Variants in LSAMP observed in about 807,000 individuals in gnomAD.
The protein encoded by LSAMP is limbic system associated membrane protein.
LSAMP carries 7 observed loss-of-function variants against 38.6 expected under a neutral mutation model. The observed-to-expected ratio is 0.18, with a 90% CI of 0.10 to 0.34. The LOEUF (loss-of-function observed/expected upper bound fraction) is 0.34, where lower values mean the gene tolerates loss of function less well. LSAMP is among the 10% of genes least tolerant of loss of function. The pLI is 1.00. For synonymous variants in LSAMP, 154 were observed against 166.8 expected, an observed-to-expected ratio of 0.92 and a Z score of 0.59; for missense variants, 313 against 420.0, an observed-to-expected ratio of 0.75 and a Z score of 2.23.
rs144263591 is a variant in LSAMP at position 116,040,151 on chromosome 3, T to A, written c.389-20511A>T. On this transcript the variant is annotated intron_variant, in intron 2 of 6. Coordinates refer to ENST00000490035, the MANE Select transcript of LSAMP (RefSeq NM_002338.5). ...TGTGGATAGTTTTATCCTTCCTGGGTAAACACAGTTGAGGGGAGGGGAACT... is the reference window on the plus strand; with the variant it reads ...TGTGGATAGTTTTATCCTTCCTGGGAAAACACAGTTGAGGGGAGGGGAACT... Among the ~76,000 whole-genome samples, 21 of 152,284 alleles carry A rather than the reference T, an allele frequency of 1.4e-4. No homozygotes were observed. The East Asian group carries it at 4.1e-3, about 29-fold the overall frequency.
intron 3 of LSAMP, among the ~76,000 whole-genome samples, chr3:116,004,202 A>C (rs1209529353): frequency 6.6e-6 from 1 of 152,102 alleles, no homozygotes; most frequent in African/African-American, 2.4e-5. Flanking sequence ...TGTGGTCCCA[A>C]ATGGTTTCTT....
chr3:116,445,437 A>C lies in LSAMP; in HGVS notation c.-406T>G. 1 of 271,518 alleles carries C rather than the reference A, an allele frequency of 3.7e-6. No homozygotes were observed. 16.8% of individuals were successfully genotyped at this position (271,518 alleles called of 1,614,324 possible). ...TCCCAGGCTGGCGGGCGGGCGGGCG[A>C]GGGAGCCGGCACCAAGCCTGCCAGT... On this transcript the variant is annotated 5_prime_UTR_variant, in exon 1 of 7. Transcript: ENST00000490035.
chr3:115,942,100 G>A (rs1404890445), intron 3 of LSAMP, among the ~76,000 whole-genome samples: 1 of 151,958 alleles, frequency 6.6e-6, no homozygotes, highest in Admixed American at 6.6e-5. Context: ...TTACAAAGGG[G>A]AATCAGTAAT....
intron 1 of LSAMP, among the ~76,000 whole-genome samples, chr3:116,138,058 A>T (rs1367169160): frequency 6.6e-6 from 1 of 152,148 alleles, no homozygotes; most frequent in Non-Finnish European, 1.5e-5. Context: ...ATCTAGTTAC[A>T]AAGCAGATTC....
intron 3 of LSAMP, among the ~76,000 whole-genome samples, chr3:115,909,726 G>A (rs1937094107): frequency 6.6e-6 from 1 of 152,150 alleles, no homozygotes; most frequent in African/African-American, 2.4e-5. Flanking sequence ...GATAAAGCTT[G>A]ACGTGTTGCA....
intron 3 of LSAMP, among the ~76,000 whole-genome samples, chr3:115,917,160 G>T (rs1423282305): frequency 1.3e-5 from 2 of 152,176 alleles, no homozygotes; most frequent in South Asian, 4.1e-4. Context: ...ATATTTCCTA[G>T]GTTGGGAAAC....
chr3:115,952,821 T>C lies in LSAMP; in HGVS notation c.514+66694A>G, dbSNP rs574734302. ...GGAAGTGGATAAAGTGATGTCAAAA[T>C]ATGTAAAAGTAAAGAACAACAGGAA... On this transcript the variant is annotated intron_variant, in intron 3 of 6. Transcript: ENST00000490035. Among the ~76,000 whole-genome samples, 11 of 152,278 alleles carry C rather than the reference T, an allele frequency of 7.2e-5. No individual in the cohort carries two copies. The South Asian group carries it at 2.3e-3, about 32-fold the overall frequency.
intron 1 of LSAMP, among the ~76,000 whole-genome samples, chr3:116,160,396 T>C (rs979871711): frequency 1.6e-5 from 2 of 122,636 alleles, no homozygotes; most frequent in African/African-American, 5.7e-5. Context: ...CAAAACTCTG[T>C]TGAAAGAAAG....
At chr3:115,859,504 G>C (rs922726850) in intron 3 of LSAMP, among the ~76,000 whole-genome samples, 17 of 152,284 alleles carry the variant, frequency 1.1e-4, no homozygotes, top group Admixed American at 1.0e-3. Flanking sequence ...CAAGGGAAGG[G>C]GTGGGTTACT....
At chr3:116,440,452 T>G (rs2049417669) in intron 1 of LSAMP, among the ~76,000 whole-genome samples, 1 of 152,192 alleles carries the variant, frequency 6.6e-6, no homozygotes, top group Admixed American at 6.5e-5. Context: ...ATTCTACAAA[T>G]ACGTCATTCT....
At chr3:116,346,475 T>G (rs1292903030) in intron 1 of LSAMP, among the ~76,000 whole-genome samples, 1 of 151,984 alleles carries the variant, frequency 6.6e-6, no homozygotes, top group East Asian at 1.9e-4. Context: ...ACCACAGACG[T>G]GCACCACCAC....
At chr3:116,271,051 T>C (rs1391158997) in intron 1 of LSAMP, among the ~76,000 whole-genome samples, 2 of 151,968 alleles carry the variant, frequency 1.3e-5, no homozygotes, top group Non-Finnish European at 2.9e-5. Flanking sequence ...GGTAGAAATA[T>C]AGGGTTAGGT....
chr3:116,404,894 G>T (rs1190613894), intron 1 of LSAMP, among the ~76,000 whole-genome samples: 3 of 151,750 alleles, frequency 2.0e-5, no homozygotes, highest in Non-Finnish European at 4.4e-5. Context: ...TCCTCTAAAT[G>T]TCTCATTTTC....
chr3:116,230,631 T>C (rs982752428), intron 1 of LSAMP, among the ~76,000 whole-genome samples: 4 of 152,158 alleles, frequency 2.6e-5, no homozygotes, highest in African/African-American at 4.8e-5. Context: ...GCTTTCATAA[T>C]GTTACCATAG....
intron 1 of LSAMP, among the ~76,000 whole-genome samples, chr3:116,175,809 A>G (rs922063271): frequency 6.6e-6 from 1 of 152,150 alleles, no homozygotes. Flanking sequence ...TATGCTAAGA[A>G]GCAGAGCCAA....
chr3:115,805,089 A>G lies in LSAMP; in HGVS notation c.*5228T>C, dbSNP rs1017150248. 2 of 152,214 alleles carry G rather than the reference A, an allele frequency of 1.3e-5. No homozygotes were observed. Among genetic ancestry groups the G allele is most frequent in the African/African-American group, 2.4e-5 (1 of 41,456 alleles). 9.4% of individuals were successfully genotyped at this position (152,214 alleles called of 1,614,324 possible). ...GAGCTATTTAAATAAGACATCTTAG[A>G]TGGTGAGAAAGGAGTAAAAAGAAGA... On this transcript the variant is annotated 3_prime_UTR_variant, in exon 7 of 7. Transcript: ENST00000490035.
At chr3:116,082,609 C>G (rs1344523045) in intron 2 of LSAMP, among the ~76,000 whole-genome samples, 1 of 152,032 alleles carries the variant, frequency 6.6e-6, no homozygotes, top group Non-Finnish European at 1.5e-5. Flanking sequence ...CGGCACTGTT[C>G]AGAATAGCAA....
At chr3:116,151,853 G>A (rs927824127) in intron 1 of LSAMP, among the ~76,000 whole-genome samples, 1 of 152,060 alleles carries the variant, frequency 6.6e-6, no homozygotes, top group Non-Finnish European at 1.5e-5. Context: ...CACGAAGAGG[G>A]TTGACTAGGC....
At chr3:115,985,564 G>T (rs1305451400) in intron 3 of LSAMP, among the ~76,000 whole-genome samples, 11 of 152,178 alleles carry the variant, frequency 7.2e-5, no homozygotes, top group Admixed American at 2.6e-4. Flanking sequence ...CAGTTGGTAT[G>T]AGTGACCAAT....
Sources: allele counts gnomAD v4.1 joint callset (sites outside exome capture counted in the v4.1 genomes callset), GRCh38; gene constraint gnomAD v4.1.1; transcripts MANE v1.5; gene names NCBI Gene and HGNC (gene_info 2026-07-23, HGNC 2026-07-21).